Variants in PLXND1 observed in about 807,000 individuals in gnomAD.
The protein encoded by PLXND1 is plexin D1, also known as plexin-D1.
PLXND1 carries 54 observed loss-of-function variants against 197.7 expected under a neutral mutation model. That is an observed-to-expected ratio of 0.27 (90% CI 0.22 to 0.34). The LOEUF (loss-of-function observed/expected upper bound fraction) is 0.34. Among genes scored for constraint, PLXND1 ranks in the 10% least tolerant of loss-of-function variants. The pLI is 1.00. For missense variants in PLXND1, 2,127 were observed against 2,699.2 expected, an observed-to-expected ratio of 0.79 and a Z score of 4.70; for synonymous variants, 1,180 against 1,161.2, an observed-to-expected ratio of 1.02 and a Z score of -0.33.
Position 129,606,032 on chromosome 3 carries a change from C to T in PLXND1, c.608G>A (p.Gly203Glu). The change falls in exon 1 of 36, where the codon GGG becomes GAG. Residue 203 changes from glycine (G) to glutamate (E), a missense_variant. Physicochemically the swap from Gly to Glu is moderately conservative, Grantham distance 98. This residue lies in a region of PLXND1 where 1,095 missense variants were observed against 1,259.8 expected (regional missense o/e 0.87). Coordinates refer to ENST00000324093, the MANE Select transcript of PLXND1 (RefSeq NM_015103.3). ...GGCGCCCACGAGCAGGCGGCTGCCC[C>T]CCGCGCCCGCGGCGGGAGGCAGAAC... ...GLVLPPAAGA[G>E]GSRLLVGATY... is the part of the protein sequence containing the mutation. 6.3e-7 allele frequency: 1 copy of T among 1,598,008 alleles called. No individual in the cohort carries two copies. The highest frequency in any genetic ancestry group is 1.1e-5 in the South Asian group (1 of 89,990).
At position 129,570,811 on chromosome 3, in the gene PLXND1, G is replaced by T. The variant is rs781053507; in HGVS notation, c.3725C>A (p.Ala1242Glu). Reference sequence around the variant, plus strand: ...TGTGATGGGCAGCTGCCCCACGGCCGCGCCCAGGGACTCGTTGACCGAGCA... The same window carrying T: ...TGTGATGGGCAGCTGCCCCACGGCCTCGCCCAGGGACTCGTTGACCGAGCA... ...IHCSVNESLG[A>E]AVGQLPITIQ... The change falls in exon 19 of 36, where the codon GCG becomes GAG. Residue 1242 changes from alanine (A) to glutamate (E), a missense_variant. By Grantham distance (107) the Ala-to-Glu change is moderately radical. Transcript: ENST00000324093. The T allele has an allele frequency of 6.2e-7, 1 of 1,614,142 alleles. No homozygotes were observed. The highest frequency in any genetic ancestry group is 1.1e-5 in the South Asian group (1 of 91,086).
Position 129,560,754 on chromosome 3 carries a change from C to T in PLXND1, c.4994-31G>A, listed in dbSNP as rs2713627. On this transcript the variant is annotated intron_variant, in intron 29 of 35. Coordinates refer to ENST00000324093, the MANE Select transcript of PLXND1 (RefSeq NM_015103.3). ...AGAGGAAAAACACAATAAATAAACA[C>T]GGGAGAGGAGAGGAGAGAAACAGAA... 1,322,792 of 1,323,772 alleles carry T rather than the reference C, an allele frequency of 1. 660,914 individuals carry two copies. The highest frequency in any genetic ancestry group is 1 in the East Asian group (43,463 of 43,464). The allele number at this position is 1,323,772 out of a possible 1,614,324, so 82.0% of individuals were successfully genotyped here.
chr3:129,573,608 G>GT lies in PLXND1; in HGVS notation c.2822dup (p.Tyr941Ter). The part of the protein sequence containing the change: ...GVACEPLPDR[Y>*]TVSEEIVCVT... ...TGGCTACTCACTCCTCCGACACCGT[G>GT]TATCTGTCAGGCAGTGGCTCACAGG... The change falls in exon 13 of 36, where the codon TAC becomes TAAC. Residue 941 changes from tyrosine (Y) to a stop codon, truncating the protein, a stop_gained and frameshift_variant. Transcript: ENST00000324093. LOFTEE classifies it high-confidence loss of function. 1 of 1,613,354 alleles carries GT rather than the reference G, an allele frequency of 6.2e-7. No homozygotes were observed. Among genetic ancestry groups the GT allele is most frequent in the Non-Finnish European group, 8.5e-7 (1 of 1,179,930 alleles).
chr3:129,571,708 T>C lies in PLXND1; in HGVS notation c.3214A>G (p.Thr1072Ala). ...TFWYMQNPVI[T>A]AISPRRSPVS... ...GGGCTGCGGCGGGGACTGATGGCCGTGATGACCGGGTTCTGCATGTACCAG... is the reference window on the plus strand; with the variant it reads ...GGGCTGCGGCGGGGACTGATGGCCGCGATGACCGGGTTCTGCATGTACCAG... The change falls in exon 16 of 36, where the codon ACG becomes GCG. Residue 1072 changes from threonine to alanine, a missense_variant. Around this residue, in one of 6 missense-constraint regions of PLXND1, gnomAD observed 1,095 missense variants for 1,259.8 expected, o/e 0.87. Transcript: ENST00000324093. The C allele has an allele frequency of 1.9e-6, 3 of 1,613,740 alleles. No homozygotes were observed. The highest frequency in any genetic ancestry group is 1.7e-6 in the Non-Finnish European group (2 of 1,179,944).
chr3:129,556,084 C>T lies in PLXND1; in HGVS notation c.*228G>A. On this transcript the variant is annotated 3_prime_UTR_variant, in exon 36 of 36. Coordinates refer to ENST00000324093, the MANE Select transcript of PLXND1 (RefSeq NM_015103.3). ...GGGGGAGCCTGACCAGCTCTCTGGC[C>T]TCCATCCCAGAGACTGATCTGGGGA... The T allele has an allele frequency of 1.9e-6, 1 of 525,460 alleles. No individual in the cohort carries two copies. Among genetic ancestry groups the T allele is most frequent in the Non-Finnish European group, 3.4e-6 (1 of 290,860 alleles). 32.5% of individuals were successfully genotyped at this position (525,460 alleles called of 1,614,324 possible).
Position 129,571,752 on chromosome 3 carries a change from A to G in PLXND1, c.3170T>C (p.Val1057Ala). ...VCVRFERRGC[V>A]HGNLTFWYMQ... is the part of the protein sequence containing the mutation. ...GTACCAGAAGGTGAGGTTGCCGTGC[A>G]CGCAGCCCCGACGCTCGAAGCGCAC... Residue 1057 changes from valine (V) to alanine (A), a missense_variant, in exon 16 of 36, where the codon GTG (valine) becomes GCG (alanine). Around this residue, in one of 6 missense-constraint regions of PLXND1, gnomAD observed 1,095 missense variants for 1,259.8 expected, o/e 0.87. Coordinates refer to ENST00000324093, the MANE Select transcript of PLXND1 (RefSeq NM_015103.3). 6.2e-7 allele frequency: 1 copy of G among 1,613,364 alleles called. No individual in the cohort carries two copies. The highest frequency in any genetic ancestry group is 8.5e-7 in the Non-Finnish European group (1 of 1,179,924).
rs759045961 is a variant in PLXND1 at position 129,583,647 on chromosome 3, G to T, written c.2161C>A (p.Gln721Lys). ...HTACTSCLSAQWPCFWCSQQH... is the reference protein window; with the variant it reads ...HTACTSCLSAKWPCFWCSQQH... ...TGGCTGCACCAGAAACAGGGCCACT[G>T]TGCCGACAGGCAGCTGGTACAGCTG... Residue 721 changes from glutamine to lysine, a missense_variant, in exon 8 of 36, where the codon CAG (glutamine) becomes AAG (lysine). By Grantham distance (53) the Gln-to-Lys change is moderately conservative. This residue lies in a region of PLXND1 where 1,095 missense variants were observed against 1,259.8 expected (regional missense o/e 0.87). Coordinates refer to ENST00000324093, the MANE Select transcript of PLXND1 (RefSeq NM_015103.3). The T allele has an allele frequency of 6.2e-7, 1 of 1,613,434 alleles. No homozygotes were observed. The highest frequency in any genetic ancestry group is 1.7e-5 in the Admixed American group (1 of 59,988).
rs1029078913 is a variant in PLXND1 at position 129,558,765 on chromosome 3, G to A, written c.5298-190C>T. ...TGGGGTGCAGTGGGGCTGAGAGCCC[G>A]GTTTCCTGCTGGAGCAAGGCAGGAG... On this transcript the variant is annotated intron_variant, in intron 32 of 35. Coordinates refer to ENST00000324093, the MANE Select transcript of PLXND1 (RefSeq NM_015103.3). This position sits in a 1 kb window ranked among gnomAD's most constrained non-coding sequence, Gnocchi z 4.1. The A allele has an allele frequency of 1.7e-5, 10 of 585,304 alleles. No individual in the cohort carries two copies. The highest frequency in any genetic ancestry group is 3.0e-5 in the Admixed American group (1 of 33,264). The allele number at this position is 585,304 out of a possible 1,614,324, so 36.3% of individuals were successfully genotyped here. A position where few individuals can be genotyped will look rare whatever the true frequency, so the allele number is the denominator to read the frequency against.
Position 129,578,397 on chromosome 3 carries a change from G to T in PLXND1, c.2278C>A (p.Leu760Met), listed in dbSNP as rs929606138. The change falls in exon 9 of 36, where the codon CTG (leucine) becomes ATG (methionine). Residue 760 changes from leucine to methionine, a missense_variant. Coordinates refer to ENST00000324093, the MANE Select transcript of PLXND1 (RefSeq NM_015103.3). ...QDCPRTLLSP[L>M]APVPTGGSQN... ...GAGCCACCCGTAGGCACGGGTGCCA[G>T]GGGTGAGAGCAGGGTCCGGGGGCAG... 6.2e-7 allele frequency: 1 copy of T among 1,604,768 alleles called. No individual in the cohort carries two copies. Among genetic ancestry groups the T allele is most frequent in the Admixed American group, 1.7e-5 (1 of 58,338 alleles).
At chr3:129,589,310 T>TGCCACC in intron 2 of PLXND1, 41 bp downstream of exon 2, 4 of 501,292 alleles carry the variant, frequency 8.0e-6, no homozygotes, top group East Asian at 5.1e-5. Flanking sequence ...CAGGGGAGCC[T>TGCCACC]CCCACCCCCA....
chr3:129,566,868 A>G (rs1441785014), intron 22 of PLXND1, among the ~76,000 whole-genome samples: 8 of 152,230 alleles, frequency 5.3e-5, no homozygotes, highest in African/African-American at 1.9e-4. Context: ...TCCATGTGCA[A>G]TGGGGGAAAC....
rs776556740 is a variant in PLXND1, at chr3:129,585,970, A to G, written c.1833T>C (p.Asp611=). 6 of 1,614,040 alleles carry G rather than the reference A, an allele frequency of 3.7e-6. No individual in the cohort carries two copies. The Admixed American group carries it at 8.3e-5, about 22-fold the overall frequency. Residue 611 remains aspartate (D), a synonymous_variant, in exon 5 of 36, where the codon GAT becomes GAC. Coordinates refer to ENST00000324093, the MANE Select transcript of PLXND1 (RefSeq NM_015103.3). Reference sequence around the variant, plus strand: ...GACTCACTGGGTACTCCTGGCGCACATCGATCTCGGAAGGCAGGACGGTCA... The same window carrying G: ...GACTCACTGGGTACTCCTGGCGCACGTCGATCTCGGAAGGCAGGACGGTCA... ...PAMTVLPSEI[D]VRQEYPGMIL...
chr3:129,565,863 C>T (rs992917117), intron 24 of PLXND1, 24 bp downstream of exon 24: 2 of 1,612,092 alleles, frequency 1.2e-6, no homozygotes, highest in East Asian at 2.2e-5. Flanking sequence ...TTCCCTACCC[C>T]ACCCCAGTCT....
chr3:129,605,038 C>G (rs1169111918), intron 1 of PLXND1, among the ~76,000 whole-genome samples: 2 of 152,226 alleles, frequency 1.3e-5, no homozygotes, highest in Non-Finnish European at 2.9e-5. Flanking sequence ...TTATGCGCAC[C>G]TGGGTACCTG....
At chr3:129,593,863 C>T (rs1021211018) in intron 1 of PLXND1, among the ~76,000 whole-genome samples, 6 of 152,192 alleles carry the variant, frequency 3.9e-5, no homozygotes, top group East Asian at 1.9e-4. Context: ...GTTTCGGCCC[C>T]GTTTTGAGAG....
chr3:129,564,705 CCCTCTTCCCAG>C lies in PLXND1; in HGVS notation c.4521+624_4521+634del, dbSNP rs1406294961. 3.3e-5 allele frequency among the ~76,000 whole-genome samples: 5 copies of C among 152,254 alleles called. No homozygotes were observed. In the East Asian group the frequency reaches 5.8e-4, roughly 18 times the overall value. ...CAGGAGGCCCTGGTTACCGGGCCCA[CCCTCTTCCCAG>C]CCTCCGCTCTCATCCAGAAGATTCT... On this transcript the variant is annotated intron_variant, in intron 25 of 35. Transcript: ENST00000324093.
At chr3:129,582,635 T>A (rs2085401872) in intron 8 of PLXND1, among the ~76,000 whole-genome samples, 1 of 152,180 alleles carries the variant, frequency 6.6e-6, no homozygotes, top group Admixed American at 6.5e-5. Context: ...GGCATCCCAT[T>A]TGGCCATCCT....
intron 8 of PLXND1, among the ~76,000 whole-genome samples, chr3:129,578,707 T>C (rs768518115): frequency 2.0e-5 from 3 of 152,146 alleles, no homozygotes; most frequent in Admixed American, 1.3e-4. Context: ...ATTTCCTCCA[T>C]GAGTGCTCCC....
At chr3:129,593,090 C>T (rs1357117754) in intron 1 of PLXND1, among the ~76,000 whole-genome samples, 7 of 152,212 alleles carry the variant, frequency 4.6e-5, no homozygotes, top group South Asian at 2.1e-4. Context: ...CGGCTATCCC[C>T]GCAGCGCCCT....
Sources: gnomAD v4.1 joint callset for allele counts (sites outside exome capture counted in the v4.1 genomes callset) on GRCh38, gnomAD v4.1.1 for gene constraint, gnomAD v4.1.1 regional missense constraint, Gnocchi (gnomAD v3.1) non-coding constraint, MANE v1.5 for transcripts, NCBI Gene and HGNC (gene_info 2026-07-23, HGNC 2026-07-21) for gene names.